SAMHD1: variants seen among roughly 807,000 people sequenced by gnomAD.
SAMHD1 encodes deoxynucleoside triphosphate triphosphohydrolase SAMHD1.
Under a neutral mutation model 79.6 loss-of-function variants are expected in SAMHD1, and 54 were observed. That is an observed-to-expected ratio of 0.68 (90% CI 0.55 to 0.85). The LOEUF is 0.85. Among genes scored for constraint, SAMHD1 ranks in the 40% least tolerant of loss-of-function variants. SAMHD1 has a pLI of 0.00. For synonymous variants in SAMHD1, 260 were observed against 264.1 expected (o/e 0.98, Z 0.15); for missense variants, 663 against 782.7 (o/e 0.85, Z 1.82).
chr20:36,916,327 C>T (rs1487300800), intron 9 of SAMHD1, among the ~76,000 whole-genome samples: 1 of 151,776 alleles, frequency 6.6e-6, no homozygotes, highest in Non-Finnish European at 1.5e-5. Context: ...CCGTCCAAAG[C>T]ACTTAAAATG....
intron 2 of SAMHD1, among the ~76,000 whole-genome samples, chr20:36,941,997 G>A (rs2063647516): frequency 6.6e-6 from 1 of 152,132 alleles, no homozygotes; most frequent in South Asian, 2.1e-4. Flanking sequence ...CTTATAGGTG[G>A]ACTTAGTTTA....
chr20:36,902,002 G>A (rs1382265442), intron 13 of SAMHD1, among the ~76,000 whole-genome samples: 1 of 152,110 alleles, frequency 6.6e-6, no homozygotes, highest in Non-Finnish European at 1.5e-5. Context: ...GACAGATGGA[G>A]GAAGGCTTGT....
chr20:36,912,165 G>A (rs2063444524), intron 10 of SAMHD1: 1 of 406,116 alleles, frequency 2.5e-6, no homozygotes, highest in Non-Finnish European at 4.6e-6. Flanking sequence ...GACTACCTGT[G>A]CCGAGGTCCT....
chr20:36,947,014 C>T (rs569409472), intron 1 of SAMHD1: 10 of 437,422 alleles, frequency 2.3e-5, no homozygotes, highest in Non-Finnish European at 3.7e-5. Flanking sequence ...TGATAAATCA[C>T]GTGAAAATTT....
At chr20:36,948,445 G>A (rs2063709667) in intron 1 of SAMHD1, among the ~76,000 whole-genome samples, 1 of 151,972 alleles carries the variant, frequency 6.6e-6, no homozygotes, top group Non-Finnish European at 1.5e-5. Context: ...TAGAGACGGT[G>A]TTTCACCATG....
chr20:36,904,470 G>A, intron 12 of SAMHD1: 1 of 486,104 alleles, frequency 2.1e-6, no homozygotes, highest in Non-Finnish European at 3.8e-6. Flanking sequence ...TATAATCCCA[G>A]CACTTTGGGA....
chr20:36,934,572 G>C (rs1601144175), intron 4 of SAMHD1: 1 of 140,180 alleles, frequency 7.1e-6, no homozygotes, highest in East Asian at 2.0e-4. Context: ...AATAAAATAA[G>C]GACATTATCA....
rs1433004710 is a variant in SAMHD1, at chr20:36,945,404, C to T, written c.275+1334G>A. Reference sequence around the variant, plus strand: ...TTAAATCTAATACCAGGGCATATTCCAATCTTTAGGAAAACCTAGAAATAT... The same window carrying T: ...TTAAATCTAATACCAGGGCATATTCTAATCTTTAGGAAAACCTAGAAATAT... On this transcript the variant is annotated intron_variant, in intron 2 of 15. Transcript: ENST00000646673. 2.0e-5 allele frequency among the ~76,000 whole-genome samples: 3 copies of T among 152,090 alleles called. No individual in the cohort carries two copies. The East Asian group carries it at 5.8e-4, about 29-fold the overall frequency.
chr20:36,944,765 A>G (rs2063674008), intron 2 of SAMHD1, among the ~76,000 whole-genome samples: 3 of 152,152 alleles, frequency 2.0e-5, no homozygotes, highest in South Asian at 2.1e-4. Flanking sequence ...ATGGTGGCGC[A>G]TGCCTGTAAT....
In SAMHD1 at chr20:36,946,789, C is replaced by T; in HGVS notation, c.224G>A (p.Gly75Asp). Residue 75 changes from glycine (G) to aspartate (D), a missense_variant, in exon 2 of 16, where the codon GGC becomes GAC. Transcript: ENST00000646673. Reference sequence around the variant, plus strand: ...CTCATCAAGACAAGGCAGTAATGCGCCTGTGATTTCATTTTCTATGGAAGA... The same window carrying T: ...CTCATCAAGACAAGGCAGTAATGCGTCTGTGATTTCATTTTCTATGGAAGA... Reference protein sequence around the residue: ...LKNIRENEITGALLPCLDESR... With the variant: ...LKNIRENEITDALLPCLDESR... 6.2e-7 allele frequency: 1 copy of T among 1,612,524 alleles called. No individual in the cohort carries two copies. The highest frequency in any genetic ancestry group is 8.5e-7 in the Non-Finnish European group (1 of 1,178,968).
chr20:36,897,767 G>A lies in SAMHD1; in HGVS notation c.1746+55C>T, dbSNP rs551001705. On this transcript the variant is annotated intron_variant, in intron 15 of 15. Transcript: ENST00000646673. Reference sequence around the variant, plus strand: ...TTTTCAGCAGATAGACTTACTTTTGGTTTTTACTTAAAAATAAAAAATTGT... The same window carrying A: ...TTTTCAGCAGATAGACTTACTTTTGATTTTTACTTAAAAATAAAAAATTGT... The A allele has an allele frequency of 4.4e-4, 704 of 1,606,778 alleles. 11 individuals carry two copies. The South Asian group carries it at 7.3e-3, about 17-fold the overall frequency.
chr20:36,951,554 T>G lies in SAMHD1; in HGVS notation c.90A>C (p.Ala30=), dbSNP rs780812058. Residue 30 remains alanine, a synonymous_variant, in exon 1 of 16, where the codon GCA becomes GCC. Transcript: ENST00000646673. The part of the protein sequence containing the change: ...RTPSNTPSAE[A]DWSPGLELHP... ...GGAGTTCCAGGCCCGGGGACCAGTCTGCCTCTGCGGAAGGGGTGTTTGAGG... is the reference window on the plus strand; with the variant it reads ...GGAGTTCCAGGCCCGGGGACCAGTCGGCCTCTGCGGAAGGGGTGTTTGAGG... 9.9e-6 allele frequency: 16 copies of G among 1,614,070 alleles called. No individual in the cohort carries two copies. The South Asian group carries it at 1.4e-4, about 14-fold the overall frequency.
chr20:36,922,370 GA>G (rs1178218555), intron 6 of SAMHD1, among the ~76,000 whole-genome samples: 5 of 152,138 alleles, frequency 3.3e-5, no homozygotes, highest in African/African-American at 9.7e-5. Context: ...GAAGTATTTA[GA>G]AATAAAGTAT....
intron 9 of SAMHD1, among the ~76,000 whole-genome samples, chr20:36,912,902 T>TTTG (rs1555833577): frequency 1.5e-5 from 2 of 129,440 alleles, no homozygotes; most frequent in East Asian, 2.1e-4. Context: ...TTTTTTTTTT[T>TTTG]TTTTTTTTTT....
intron 2 of SAMHD1, chr20:36,946,514 G>T: frequency 2.1e-6 from 1 of 472,792 alleles, no homozygotes. Context: ...TTGAAGCCGG[G>T]AGGCAGAGGT....
intron 11 of SAMHD1, among the ~76,000 whole-genome samples, chr20:36,908,573 G>A (rs2063418776): frequency 6.6e-6 from 1 of 152,112 alleles, no homozygotes; most frequent in African/African-American, 2.4e-5. Flanking sequence ...ACTGAAAGGT[G>A]TAATGTGAAG....
chr20:36,938,334 G>C (rs2063617865), intron 3 of SAMHD1, among the ~76,000 whole-genome samples: 1 of 152,174 alleles, frequency 6.6e-6, no homozygotes, highest in South Asian at 2.1e-4. Context: ...GAGGTCAGGA[G>C]TTCGAGGCCA....
chr20:36,951,679 C>G lies in SAMHD1; in HGVS notation c.-36G>C. On this transcript the variant is annotated 5_prime_UTR_variant, in exon 1 of 16. Coordinates refer to ENST00000646673, the MANE Select transcript of SAMHD1 (RefSeq NM_015474.4). ...GGCGTCCGGCACAGCAGTCAAGAACCTCGGCGCCGGACCCGCGCGCAGGCG... is the reference window on the plus strand; with the variant it reads ...GGCGTCCGGCACAGCAGTCAAGAACGTCGGCGCCGGACCCGCGCGCAGGCG... The G allele has an allele frequency of 6.2e-7, 1 of 1,610,766 alleles. No homozygotes were observed. The highest frequency in any genetic ancestry group is 8.5e-7 in the Non-Finnish European group (1 of 1,179,852).
intron 15 of SAMHD1, 25 bp from the exon 16 acceptor site, chr20:36,893,091 GGC>G: frequency 6.2e-7 from 1 of 1,610,512 alleles, no homozygotes; most frequent in Non-Finnish European, 8.5e-7. Flanking sequence ...GAGAAAAACA[GGC>G]AATAGAGAAA....
Sources: allele counts gnomAD v4.1 joint callset (sites outside exome capture counted in the v4.1 genomes callset), GRCh38; gene constraint gnomAD v4.1.1; transcripts MANE v1.5; gene names NCBI Gene and HGNC (gene_info 2026-07-23, HGNC 2026-07-21).